MCTP1: variants seen among roughly 807,000 people sequenced by gnomAD.
The protein encoded by MCTP1 is multiple C2 and transmembrane domain containing 1, also known as multiple C2 and transmembrane domain-containing protein 1.
A neutral mutation model predicts 120.6 loss-of-function variants in MCTP1; 69 were observed. That is an observed-to-expected ratio of 0.57 (90% CI 0.47 to 0.70). MCTP1 has a LOEUF of 0.70. Among genes scored for constraint, MCTP1 ranks in the 30% least tolerant of loss-of-function variants. The probability of loss-of-function intolerance (pLI) is 0.00; values close to 1 mark genes in which losing one functional copy is unlikely to be tolerated. For missense variants in MCTP1, 1,203 were observed against 1,248.8 expected (o/e 0.96, Z 0.55); for synonymous variants, 529 against 493.1 (o/e 1.07, Z -0.96).
At chr5:95,231,208 C>T (rs1190744090) in intron 1 of MCTP1, among the ~76,000 whole-genome samples, 3 of 152,048 alleles carry the variant, frequency 2.0e-5, no homozygotes, top group African/African-American at 7.2e-5. Flanking sequence ...CAGCTCTATA[C>T]ACTTAGAATA....
intron 3 of MCTP1, among the ~76,000 whole-genome samples, chr5:94,948,350 A>T (rs1819625916): frequency 6.6e-6 from 1 of 152,164 alleles, no homozygotes; most frequent in Non-Finnish European, 1.5e-5. Context: ...TATGATGAAG[A>T]TGTGATTGCG....
intron 2 of MCTP1, among the ~76,000 whole-genome samples, chr5:94,953,923 AATATATGCATATATATACAAAT>A (rs1299807545): frequency 0.01 from 300 of 28,796 alleles, 15 homozygotes; most frequent in Middle Eastern, 0.027. Flanking sequence ...ATACAAATAT[AATATATGCATATATATACAAAT>A]ATATATGCAT....
intron 2 of MCTP1, among the ~76,000 whole-genome samples, chr5:95,000,141 T>C (rs891891466): frequency 6.6e-6 from 1 of 152,162 alleles, no homozygotes; most frequent in African/African-American, 2.4e-5. Flanking sequence ...TGTTGCAGTA[T>C]CCTAATGTCA....
At chr5:95,227,739 A>G (rs1485348565) in intron 1 of MCTP1, among the ~76,000 whole-genome samples, 1 of 152,338 alleles carries the variant, frequency 6.6e-6, no homozygotes, top group East Asian at 1.9e-4. Context: ...ATGTCATACT[A>G]CTTTTTTATC....
chr5:94,729,774 T>A (rs536506181), intron 19 of MCTP1, among the ~76,000 whole-genome samples: 23 of 152,268 alleles, frequency 1.5e-4, no homozygotes, highest in African/African-American at 5.5e-4. Context: ...GAGCACAGGA[T>A]GACAGAGAAA....
At chr5:94,879,584 T>C (rs564817735) in intron 12 of MCTP1, among the ~76,000 whole-genome samples, 2 of 152,276 alleles carry the variant, frequency 1.3e-5, no homozygotes, top group African/African-American at 4.8e-5. Flanking sequence ...TCTATCAAAA[T>C]GTACCCATGT....
chr5:95,056,994 T>C (rs1464369944), intron 1 of MCTP1, among the ~76,000 whole-genome samples: 1 of 152,142 alleles, frequency 6.6e-6, no homozygotes, highest in African/African-American at 2.4e-5. Flanking sequence ...AAATACACTA[T>C]GTTTTGCTTA....
intron 19 of MCTP1, among the ~76,000 whole-genome samples, chr5:94,725,828 T>C (rs1762013470): frequency 6.6e-6 from 1 of 152,214 alleles, no homozygotes; most frequent in Non-Finnish European, 1.5e-5. Context: ...ATTAAATTAG[T>C]TTAATCCATT....
chr5:95,143,704 G>A (rs951254926), intron 1 of MCTP1, among the ~76,000 whole-genome samples: 1 of 152,136 alleles, frequency 6.6e-6, no homozygotes, highest in Non-Finnish European at 1.5e-5. Flanking sequence ...ATGGCCTCCA[G>A]CTGCATCCAT....
chr5:94,858,875 C>G (rs1285472936), intron 17 of MCTP1, among the ~76,000 whole-genome samples: 1 of 151,626 alleles, frequency 6.6e-6, no homozygotes, highest in Non-Finnish European at 1.5e-5. Flanking sequence ...TTCTGGCATT[C>G]CAAACACCAA....
chr5:95,027,433 G>A (rs1839462529), intron 1 of MCTP1, among the ~76,000 whole-genome samples: 1 of 152,188 alleles, frequency 6.6e-6, no homozygotes, highest in South Asian at 2.1e-4. Context: ...GAATTTCAGA[G>A]AGAAGAAAAA....
chr5:95,267,475 A>G (rs1482537620), intron 1 of MCTP1, among the ~76,000 whole-genome samples: 2 of 152,214 alleles, frequency 1.3e-5, no homozygotes, highest in African/African-American at 4.8e-5. Flanking sequence ...ATAGTACTCA[A>G]TAAAAAAGCA....
intron 1 of MCTP1, among the ~76,000 whole-genome samples, chr5:95,213,354 A>C (rs1433382071): frequency 6.6e-6 from 1 of 152,254 alleles, no homozygotes; most frequent in Non-Finnish European, 1.5e-5. Flanking sequence ...CTGCTCAATG[A>C]AATAGAAGAG....
chr5:95,248,497 C>A (rs189832167), intron 1 of MCTP1, among the ~76,000 whole-genome samples: 14 of 152,228 alleles, frequency 9.2e-5, no homozygotes, highest in Middle Eastern at 6.8e-3. Context: ...GAACTACAAA[C>A]CACTGCTCAA....
intron 1 of MCTP1, among the ~76,000 whole-genome samples, chr5:95,054,899 C>T (rs1746968965): frequency 6.6e-6 from 1 of 152,072 alleles, no homozygotes; most frequent in Non-Finnish European, 1.5e-5. Context: ...CCTCCGCCTC[C>T]CAAGATCAAG....
intron 19 of MCTP1, among the ~76,000 whole-genome samples, chr5:94,769,170 C>T (rs369977004): frequency 1.3e-5 from 2 of 151,936 alleles, no homozygotes; most frequent in East Asian, 1.9e-4. Context: ...CACTCATCTG[C>T]GGGAGCTAAA....
At chr5:94,734,414 T>C (rs1347135144) in intron 19 of MCTP1, among the ~76,000 whole-genome samples, 1 of 152,256 alleles carries the variant, frequency 6.6e-6, no homozygotes, top group Non-Finnish European at 1.5e-5. Flanking sequence ...CTTTCTAGTA[T>C]CTTTTCCACT....
rs180914279 is a variant in MCTP1 at position 94,745,868 on chromosome 5, G to A, written c.2611-30982C>T. Among the ~76,000 whole-genome samples, 271 of 152,300 alleles carry A rather than the reference G, an allele frequency of 1.8e-3. 1 individual carries two copies. The highest frequency in any genetic ancestry group is 6.1e-3 in the African/African-American group (252 of 41,580). On this transcript the variant is annotated intron_variant, in intron 19 of 22. Coordinates refer to ENST00000515393, the MANE Select transcript of MCTP1 (RefSeq NM_024717.7). Reference sequence around the variant, plus strand: ...TCAGGTTATTGATATTGTACCAGATGTTCAAAGTGATCATTTGGGCCCTAA... The same window carrying A: ...TCAGGTTATTGATATTGTACCAGATATTCAAAGTGATCATTTGGGCCCTAA...
At chr5:94,887,248 A>T (rs1801555208) in intron 12 of MCTP1, among the ~76,000 whole-genome samples, 1 of 152,198 alleles carries the variant, frequency 6.6e-6, no homozygotes, top group African/African-American at 2.4e-5. Context: ...ATCCCCAGGG[A>T]AAAGGCTATT....
Sources: gnomAD v4.1 joint callset for allele counts (sites outside exome capture counted in the v4.1 genomes callset) on GRCh38, gnomAD v4.1.1 for gene constraint, MANE v1.5 for transcripts, NCBI Gene and HGNC (gene_info 2026-07-23, HGNC 2026-07-21) for gene names.